The following MTR variants were observed in gnomAD, a reference collection of about 807,000 sequenced individuals.
MTR encodes the protein 5-methyltetrahydrofolate-homocysteine methyltransferase, also known as methionine synthase.
In MTR, 84 loss-of-function variants were observed where a neutral mutation model predicts 154.8. The ratio of observed to expected loss-of-function variants is 0.54; its 90% CI spans 0.45 to 0.65. The LOEUF (loss-of-function observed/expected upper bound fraction) is 0.65, where lower values mean the gene tolerates loss of function less well. MTR is among the 30% of genes least tolerant of loss of function. The pLI is 0.00. For missense variants in MTR, 1,275 were observed against 1,570.2 expected (o/e 0.81, Z 3.18); for synonymous variants, 554 against 553.9 (o/e 1.00, Z 0.00).
At chr1:236,800,562 C>T in intron 1 of MTR, 2 of 881,562 alleles carry the variant, frequency 2.3e-6, no homozygotes, top group Non-Finnish European at 1.4e-6. Flanking sequence ...TTTCTTCTTT[C>T]ACTCGACTGT....
At chr1:236,817,958 T>C (rs1362723507) in intron 8 of MTR, among the ~76,000 whole-genome samples, 1 of 152,168 alleles carries the variant, frequency 6.6e-6, no homozygotes, top group Non-Finnish European at 1.5e-5. Context: ...TGGCACATAG[T>C]AGGGATGTCA....
intron 19 of MTR, among the ~76,000 whole-genome samples, chr1:236,860,787 G>A (rs1664490167): frequency 6.6e-6 from 1 of 152,128 alleles, no homozygotes; most frequent in Admixed American, 6.5e-5. Context: ...TTTTTTAATT[G>A]GCATATAAAA....
chr1:236,895,969 C>G (rs1572350695), intron 31 of MTR, among the ~76,000 whole-genome samples: 1 of 152,216 alleles, frequency 6.6e-6, no homozygotes, highest in Middle Eastern at 3.2e-3. Flanking sequence ...GCTGGTCTTG[C>G]AGAGCGCCCA....
intron 22 of MTR, among the ~76,000 whole-genome samples, chr1:236,871,924 C>T (rs946957215): frequency 6.6e-6 from 1 of 152,130 alleles, no homozygotes. Context: ...AGCCAGTCCC[C>T]TTCCTGCCCC....
rs1469308100 is a variant in MTR at position 236,800,136 on chromosome 1, C to CT, written c.35-3291dup. 20 of 985,240 alleles carry CT rather than the reference C, an allele frequency of 2.0e-5. No individual in the cohort carries two copies. The African/African-American group carries it at 3.3e-4, about 16-fold the overall frequency. 61.0% of individuals were successfully genotyped at this position (985,240 alleles called of 1,614,324 possible). On this transcript the variant is annotated intron_variant, in intron 1 of 32. Transcript: ENST00000366577. ...TATGAAAATGAGGGGTGGAGGCACT[C>CT]TGAGTGGTTAGATTTGCTCAACTTG... is the stretch of plus-strand genomic sequence containing the variant.
chr1:236,889,239 G>A lies in MTR; in HGVS notation c.2910G>A (p.Val970=), dbSNP rs769690083. 97 of 1,614,062 alleles carry A rather than the reference G, an allele frequency of 6.0e-5. No individual in the cohort carries two copies. The highest frequency in any genetic ancestry group is 7.9e-5 in the Non-Finnish European group (93 of 1,180,042). Residue 970 remains valine, a synonymous_variant, in exon 28 of 33, where the codon GTG becomes GTA. Coordinates refer to ENST00000366577, the MANE Select transcript of MTR (RefSeq NM_000254.3). ...AAGACTATGACCTGCAGAAGCTGGT[G>A]GACTACATTGACTGGAAGCCTTTCT... is the stretch of plus-strand genomic sequence containing the variant. ...VFEDYDLQKL[V]DYIDWKPFFD...
rs750824195 is a variant in MTR at position 236,863,464 on chromosome 1, A to G, written c.2315A>G (p.Gln772Arg). 5.1e-5 allele frequency: 83 copies of G among 1,613,852 alleles called. No individual in the cohort carries two copies. Among genetic ancestry groups the G allele is most frequent in the Admixed American group, 5.0e-4 (30 of 59,974 alleles). Reference protein sequence around the residue: ...NGTVEEEDPYQGTIVLATVKG... With the variant: ...NGTVEEEDPYRGTIVLATVKG... ...TGGCTTCCTTTCCAGGACCCTTACC[A>G]GGGCACCATCGTGCTGGCCACTGTT... The change falls in exon 22 of 33, where the codon CAG (glutamine) becomes CGG (arginine). Residue 772 changes from glutamine (Q) to arginine (R), a missense_variant. Gln to Arg is a conservative substitution (Grantham distance 43). Transcript: ENST00000366577.
chr1:236,860,817 A>T (rs1664492344), intron 19 of MTR, among the ~76,000 whole-genome samples: 1 of 152,238 alleles, frequency 6.6e-6, no homozygotes, highest in African/African-American at 2.4e-5. Flanking sequence ...TTTACTGCAT[A>T]CAACATTCTG....
At chr1:236,799,191 G>T (rs1293871997) in intron 1 of MTR, among the ~76,000 whole-genome samples, 2 of 151,910 alleles carry the variant, frequency 1.3e-5, no homozygotes, top group South Asian at 2.1e-4. Flanking sequence ...GCGTGATCAC[G>T]GTTCACTGCA....
chr1:236,896,173 G>A (rs962962010), intron 31 of MTR, among the ~76,000 whole-genome samples: 1 of 152,198 alleles, frequency 6.6e-6, no homozygotes, highest in African/African-American at 2.4e-5. Context: ...GAGCTGACTT[G>A]GCTCGTGGTT....
At chr1:236,879,266 A>G (rs539605100) in intron 24 of MTR, among the ~76,000 whole-genome samples, 1 of 152,230 alleles carries the variant, frequency 6.6e-6, no homozygotes, top group Non-Finnish European at 1.5e-5. Flanking sequence ...TTCGATGTGT[A>G]TCTTCCTGTG....
chr1:236,872,898 G>A (rs1264255366), intron 22 of MTR, among the ~76,000 whole-genome samples: 1 of 152,168 alleles, frequency 6.6e-6, no homozygotes, highest in Non-Finnish European at 1.5e-5. Flanking sequence ...CAGCTACTCT[G>A]GAGGCTGAGG....
At chr1:236,825,214 T>C in intron 9 of MTR, 124 bp from the exon 10 acceptor site, 1 of 578,092 alleles carries the variant, frequency 1.7e-6, no homozygotes, top group South Asian at 2.7e-5. Flanking sequence ...TATGTGTTTG[T>C]TTTTGCAAGT....
chr1:236,808,201 T>C (rs1661093137), intron 3 of MTR, among the ~76,000 whole-genome samples: 1 of 152,176 alleles, frequency 6.6e-6, no homozygotes, highest in Non-Finnish European at 1.5e-5. Context: ...GGGTTCATAG[T>C]CCTTTATCAA....
intron 8 of MTR, among the ~76,000 whole-genome samples, chr1:236,818,164 T>G (rs996793604): frequency 2.6e-5 from 4 of 152,232 alleles, no homozygotes; most frequent in African/African-American, 9.6e-5. Context: ...GGATATATGT[T>G]ACTCATGATG....
rs1333159050 is a variant in MTR at position 236,902,858 on chromosome 1, C to T, written c.*5214C>T. 1 of 149,296 alleles carries T rather than the reference C, an allele frequency of 6.7e-6. No homozygotes were observed. Among genetic ancestry groups the T allele is most frequent in the Non-Finnish European group, 1.5e-5 (1 of 67,702 alleles). The allele number at this position is 149,296 out of a possible 1,614,324, so 9.2% of individuals were successfully genotyped here. A position where few individuals can be genotyped will look rare whatever the true frequency, so the allele number is the denominator to read the frequency against. On this transcript the variant is annotated 3_prime_UTR_variant, in exon 33 of 33. Coordinates refer to ENST00000366577, the MANE Select transcript of MTR (RefSeq NM_000254.3). Reference sequence around the variant, plus strand: ...CTGCAAAAACAAAACAAAACAAAACCCTCAGTTCATGGCATACTTGCTATA... The same window carrying T: ...CTGCAAAAACAAAACAAAACAAAACTCTCAGTTCATGGCATACTTGCTATA...
At chr1:236,876,900 G>A (rs760460000) in intron 24 of MTR, among the ~76,000 whole-genome samples, 1 of 152,202 alleles carries the variant, frequency 6.6e-6, no homozygotes, top group Non-Finnish European at 1.5e-5. Flanking sequence ...CTGTAAATGT[G>A]TTTGGCCTGA....
chr1:236,831,725 ACT>A (rs1662623523), intron 12 of MTR, among the ~76,000 whole-genome samples: 1 of 152,122 alleles, frequency 6.6e-6, no homozygotes, highest in South Asian at 2.1e-4. Context: ...GCAACATAAA[ACT>A]CTGAAATATT....
At position 236,829,213 on chromosome 1, in the gene MTR, T is replaced by G. The variant is rs1322031909; in HGVS notation, c.1020T>G (p.Asn340Lys). The change falls in exon 12 of 33, where the codon AAT becomes AAG. Residue 340 changes from asparagine (N) to lysine (K), a missense_variant. By Grantham distance (94) the Asn-to-Lys change is moderately conservative. Coordinates refer to ENST00000366577, the MANE Select transcript of MTR (RefSeq NM_000254.3). ...GGGAAATTGCTGAAGCTGTGAAAAA[T>G]TGTAAGCCTAGAGTTCCACCTGCCA... ...HIREIAEAVK[N>K]CKPRVPPATA... 6.2e-7 allele frequency: 1 copy of G among 1,614,002 alleles called. No homozygotes were observed.
Sources: allele counts gnomAD v4.1 joint callset (sites outside exome capture counted in the v4.1 genomes callset), GRCh38; gene constraint gnomAD v4.1.1; transcripts MANE v1.5; gene names NCBI Gene and HGNC (gene_info 2026-07-23, HGNC 2026-07-21).